The following HID1 variants were observed in gnomAD, a reference collection of about 807,000 sequenced individuals.
HID1 encodes the protein protein HID1.
HID1 carries 42 observed loss-of-function variants against 89.7 expected under a neutral mutation model. The ratio of observed to expected loss-of-function variants is 0.47; its 90% confidence interval spans 0.37 to 0.61. The LOEUF is 0.61. Ranked by LOEUF, HID1 falls within the 20% of genes least tolerant of loss-of-function variation. The pLI, the probability that HID1 is intolerant of heterozygous loss-of-function variation, is 0.00. For synonymous variants in HID1, 442 were observed against 433.8 expected (o/e 1.02, Z -0.24); for missense variants, 854 against 1,039.3 (o/e 0.82, Z 2.45).
chr17:74,959,879 G>A lies in HID1; in HGVS notation c.1008+2C>T. ...CAAAGCCACTGTGGGGACTGGACTT[G>A]CCTCCTCACGATGGATGCGGGACAG... On this transcript the variant is annotated splice_donor_variant, in intron 8 of 18. Coordinates refer to ENST00000425042, the MANE Select transcript of HID1 (RefSeq NM_030630.3). LOFTEE classifies it low-confidence loss of function (GC_TO_GT_DONOR). The surrounding 1 kb of genome is among the most constrained non-coding windows in gnomAD (Gnocchi z 4.6). 1 of 1,613,676 alleles carries A rather than the reference G, an allele frequency of 6.2e-7. No individual in the cohort carries two copies. Among genetic ancestry groups the A allele is most frequent in the Non-Finnish European group, 8.5e-7 (1 of 1,179,998 alleles).
At chr17:74,960,590 G>A (rs533136434) in intron 6 of HID1, among the ~76,000 whole-genome samples, 89 of 152,344 alleles carry the variant, frequency 5.8e-4, no homozygotes, top group African/African-American at 2.0e-3. Flanking sequence ...AGATGTCAGG[G>A]TTCAAGCTGC....
Position 74,962,955 on chromosome 17 carries a change from G to C in HID1, c.504+10C>G. 1 of 1,591,988 alleles carries C rather than the reference G, an allele frequency of 6.3e-7. No homozygotes were observed. The highest frequency in any genetic ancestry group is 8.6e-7 in the Non-Finnish European group (1 of 1,162,218). ...CTCCGCCTGGGGGTGGGGGGCTGGGGGACACTCACCACAGTGCTCCTCCGG... is the reference window on the plus strand; with the variant it reads ...CTCCGCCTGGGGGTGGGGGGCTGGGCGACACTCACCACAGTGCTCCTCCGG... On this transcript the variant is annotated intron_variant, in intron 4 of 18. Coordinates refer to ENST00000425042, the MANE Select transcript of HID1 (RefSeq NM_030630.3). The surrounding 1 kb of genome is among the most constrained non-coding windows in gnomAD (Gnocchi z 4.3).
In HID1 at chr17:74,951,517, C is replaced by T; in HGVS notation, c.*53G>A. 6.5e-7 allele frequency: 1 copy of T among 1,530,438 alleles called. No individual in the cohort carries two copies. Among genetic ancestry groups the T allele is most frequent in the South Asian group, 1.2e-5 (1 of 85,930 alleles). 94.8% of individuals were successfully genotyped at this position (1,530,438 alleles called of 1,614,324 possible). A position where few individuals can be genotyped will look rare whatever the true frequency, so the allele number is the denominator to read the frequency against. ...TCAGAATGGTGGATGGGGGAAGCCT[C>T]AGGGACCAAGGCCCTGCCTTCCCCT... is the stretch of plus-strand genomic sequence containing the variant. On this transcript the variant is annotated 3_prime_UTR_variant, in exon 19 of 19. Transcript: ENST00000425042.
rs571162664 is a variant in HID1, at chr17:74,956,423, C to A, written c.1472-467G>T. ...ACTAGAGGTGTATTTTGGGACCCAACCCTGGGGGCACACCCAGACTGAAGT... is the reference window on the plus strand; with the variant it reads ...ACTAGAGGTGTATTTTGGGACCCAAACCTGGGGGCACACCCAGACTGAAGT... On this transcript the variant is annotated intron_variant, in intron 12 of 18. Transcript: ENST00000425042. Among the ~76,000 whole-genome samples the A allele has an allele frequency of 2.0e-5, 3 of 152,312 alleles. No homozygotes were observed. In the South Asian group the frequency reaches 6.2e-4, roughly 32 times the overall value.
chr17:74,951,411 G>A lies in HID1; in HGVS notation c.*159C>T. On this transcript the variant is annotated 3_prime_UTR_variant, in exon 19 of 19. Transcript: ENST00000425042. The stretch of plus-strand genomic sequence containing the variant: ...AGGGGGATCTGAGCCAGTTCACATT[G>A]TCCTGGCCACAGGGGTCTCTAGGGC... 2 of 688,510 alleles carry A rather than the reference G, an allele frequency of 2.9e-6. No individual in the cohort carries two copies. Among genetic ancestry groups the A allele is most frequent in the Non-Finnish European group, 2.5e-6 (1 of 396,574 alleles). The allele number at this position is 688,510 out of a possible 1,614,324, so 42.7% of individuals were successfully genotyped here. A position where few individuals can be genotyped will look rare whatever the true frequency, so the allele number is the denominator to read the frequency against.
In HID1 at chr17:74,960,189, C is replaced by A. The variant is rs1269621974; in HGVS notation, c.788G>T (p.Gly263Val). Residue 263 changes from glycine to valine, a missense_variant, in exon 7 of 19, where the codon GGC becomes GTC. Gly to Val is a moderately radical substitution (Grantham distance 109). Coordinates refer to ENST00000425042, the MANE Select transcript of HID1 (RefSeq NM_030630.3). Reference sequence around the variant, plus strand: ...CAGGTGGTTGTAGGGGATCCCGTAGCCCACAGGGTCATAGGCACACACGGT... The same window carrying A: ...CAGGTGGTTGTAGGGGATCCCGTAGACCACAGGGTCATAGGCACACACGGT... The part of the protein sequence containing the change: ...LNTVCAYDPV[G>V]YGIPYNHLLF... The A allele has an allele frequency of 3.1e-6, 5 of 1,613,738 alleles. No individual in the cohort carries two copies.
In HID1 at chr17:74,959,030, C is replaced by A; in HGVS notation, c.1030G>T (p.Gly344Cys). Residue 344 changes from glycine (G) to cysteine (C), a missense_variant, in exon 9 of 19, where the codon GGT becomes TGT. Coordinates refer to ENST00000425042, the MANE Select transcript of HID1 (RefSeq NM_030630.3). This position sits in a 1 kb window ranked among gnomAD's most constrained non-coding sequence, Gnocchi z 4.6. Reference protein sequence around the residue: ...REEDFQFILKGIARLLSNPLL... With the variant: ...REEDFQFILKCIARLLSNPLL... The stretch of plus-strand genomic sequence containing the variant: ...GGGTTGGACAGCAGCCGGGCTATAC[C>A]CTTGAGGATGAACTGGAAGTCCTGG... 1.3e-6 allele frequency: 2 copies of A among 1,577,342 alleles called. No homozygotes were observed. The highest frequency in any genetic ancestry group is 1.7e-6 in the Non-Finnish European group (2 of 1,167,032).
At chr17:74,964,299 C>T (rs904525284) in intron 2 of HID1, 184 bp downstream of exon 2, 7 of 657,598 alleles carry the variant, frequency 1.1e-5, no homozygotes. Context: ...TGGAGGACTC[C>T]CCCATAAATG....
At chr17:74,954,387 C>T (rs760145410) in intron 13 of HID1, 22 bp from the exon 14 acceptor site, 14 of 1,552,416 alleles carry the variant, frequency 9.0e-6, no homozygotes, top group Non-Finnish European at 1.2e-5. Context: ...GAGCATGCCT[C>T]GCCTCAGGGA....
intron 6 of HID1, chr17:74,961,465 A>G (rs562744994): frequency 6.6e-6 from 1 of 152,242 alleles, no homozygotes; most frequent in Admixed American, 6.5e-5. Flanking sequence ...ATACGGTTTC[A>G]CCATGTTGGC....
In HID1 at chr17:74,962,106, T is replaced by C; in HGVS notation, c.612-117A>G. 9.0e-7 allele frequency: 1 copy of C among 1,112,636 alleles called. No individual in the cohort carries two copies. Among genetic ancestry groups the C allele is most frequent in the Non-Finnish European group, 1.3e-6 (1 of 780,086 alleles). The allele number at this position is 1,112,636 out of a possible 1,614,324, so 68.9% of individuals were successfully genotyped here. A position where few individuals can be genotyped will look rare whatever the true frequency, so the allele number is the denominator to read the frequency against. ...GAAGGAAGTTACTCCCGTTGACCCC[T>C]GTAAGGTCAAGGTCGGGTCATAGGT... On this transcript the variant is annotated intron_variant, in intron 5 of 18. Coordinates refer to ENST00000425042, the MANE Select transcript of HID1 (RefSeq NM_030630.3). This position sits in a 1 kb window ranked among gnomAD's most constrained non-coding sequence, Gnocchi z 4.3.
At chr17:74,970,172 C>T (rs1361187214) in intron 1 of HID1, among the ~76,000 whole-genome samples, 1 of 152,088 alleles carries the variant, frequency 6.6e-6, no homozygotes, top group Non-Finnish European at 1.5e-5. Context: ...CCACCTCAGC[C>T]TCCCAAAGTG....
intron 12 of HID1, among the ~76,000 whole-genome samples, chr17:74,956,431 G>T (rs1436418414): frequency 6.6e-6 from 1 of 152,178 alleles, no homozygotes; most frequent in Non-Finnish European, 1.5e-5. Context: ...AACCCTGGGG[G>T]CACACCCAGA....
intron 16 of HID1, among the ~76,000 whole-genome samples, chr17:74,952,667 G>A (rs1246154763): frequency 6.6e-6 from 1 of 152,210 alleles, no homozygotes; most frequent in Non-Finnish European, 1.5e-5. Context: ...GTGATCTCAG[G>A]AGACACAGGG....
chr17:74,961,054 C>A (rs970680573), intron 6 of HID1, among the ~76,000 whole-genome samples: 3 of 151,964 alleles, frequency 2.0e-5, no homozygotes, highest in African/African-American at 4.8e-5. Context: ...CTCTAAGCTG[C>A]AGAGTCCCAC....
chr17:74,959,825 C>G lies in HID1; in HGVS notation c.1008+56G>C. 6.4e-7 allele frequency: 1 copy of G among 1,572,764 alleles called. No individual in the cohort carries two copies. Among genetic ancestry groups the G allele is most frequent in the Non-Finnish European group, 8.7e-7 (1 of 1,143,640 alleles). On this transcript the variant is annotated intron_variant, in intron 8 of 18. Transcript: ENST00000425042. The surrounding 1 kb of genome is among the most constrained non-coding windows in gnomAD (Gnocchi z 4.6). ...GGAGGGGTCAGGATCCCCCATATCC[C>G]TGTCTCACTTGCATCCCCCTGCACC...
In HID1 at chr17:74,972,679, C is replaced by T. The variant is rs984960269; in HGVS notation, c.-23G>A. On this transcript the variant is annotated 5_prime_UTR_variant, in exon 1 of 19. Transcript: ENST00000425042. The surrounding 1 kb of genome is among the most constrained non-coding windows in gnomAD (Gnocchi z 6.4). ...CATGTCTCTGGAGCCCGCTCCGGCC[C>T]GGCCCCCGCCCAGACTCCAACCCGG... is the stretch of plus-strand genomic sequence containing the variant. The T allele has an allele frequency of 2.0e-6, 3 of 1,532,400 alleles. No homozygotes were observed. Among genetic ancestry groups the T allele is most frequent in the Non-Finnish European group, 2.6e-6 (3 of 1,138,302 alleles). 94.9% of individuals were successfully genotyped at this position (1,532,400 alleles called of 1,614,324 possible).
rs1337925925 is a variant in HID1 at position 74,959,888 on chromosome 17, C to T, written c.1001G>A (p.Arg334His). The T allele has an allele frequency of 5.0e-6, 8 of 1,613,594 alleles. No homozygotes were observed. Among genetic ancestry groups the T allele is most frequent in the East Asian group, 2.2e-5 (1 of 44,898 alleles). ...TGTGGGGACTGGACTTGCCTCCTCA[C>T]GATGGATGCGGGACAGGTAGTTCAC... ...LFVNYLSRIH[R>H]EEDFQFILKG... The change falls in exon 8 of 19, where the codon CGT (arginine) becomes CAT (histidine). Residue 334 changes from arginine to histidine, a missense_variant. Coordinates refer to ENST00000425042, the MANE Select transcript of HID1 (RefSeq NM_030630.3). The surrounding 1 kb of genome is among the most constrained non-coding windows in gnomAD (Gnocchi z 4.6).
chr17:74,951,757 G>C, intron 18 of HID1, 124 bp from the exon 19 acceptor site: 6 of 1,339,556 alleles, frequency 4.5e-6, no homozygotes, highest in Non-Finnish European at 6.2e-6. Flanking sequence ...CCTGGGCAGC[G>C]GGTGCCACCG....
Sources: gnomAD v4.1 joint callset for allele counts (sites outside exome capture counted in the v4.1 genomes callset) on GRCh38, gnomAD v4.1.1 for gene constraint, Gnocchi (gnomAD v3.1) non-coding constraint, MANE v1.5 for transcripts, NCBI Gene and HGNC (gene_info 2026-07-23, HGNC 2026-07-21) for gene names.